Variants in TSPAN18 observed in about 807,000 individuals in gnomAD.
TSPAN18 encodes the protein tetraspanin-18.
TSPAN18 carries 14 observed loss-of-function variants against 27.3 expected under a neutral mutation model. That is an observed-to-expected ratio of 0.51 (90% CI 0.34 to 0.80). TSPAN18 has a LOEUF of 0.80. Among genes scored for constraint, TSPAN18 ranks in the 30% least tolerant of loss-of-function variants. TSPAN18 has a pLI of 0.01. For missense variants in TSPAN18, 268 were observed against 323.9 expected, an observed-to-expected ratio of 0.83 and a Z score of 1.32; for synonymous variants, 143 against 136.5, an observed-to-expected ratio of 1.05 and a Z score of -0.33.
chr11:44,773,670 C>T (rs1855740763), intron 2 of TSPAN18, among the ~76,000 whole-genome samples: 1 of 152,060 alleles, frequency 6.6e-6, no homozygotes, highest in Non-Finnish European at 1.5e-5. Context: ...AAGATGCTTC[C>T]AAGAGGGTTG....
At chr11:44,782,697 G>C (rs1389593630) in intron 2 of TSPAN18, among the ~76,000 whole-genome samples, 1 of 152,134 alleles carries the variant, frequency 6.6e-6, no homozygotes, top group Non-Finnish European at 1.5e-5. Flanking sequence ...TTGAGTTTTA[G>C]ACATTCTAAT....
At chr11:44,873,202 C>A (rs1170856448) in intron 3 of TSPAN18, among the ~76,000 whole-genome samples, 1 of 152,196 alleles carries the variant, frequency 6.6e-6, no homozygotes, top group Non-Finnish European at 1.5e-5. Context: ...CCCTGCATAG[C>A]CTAGAGACCC....
At chr11:44,766,935 G>GTGGTTGTA (rs1855580980) in intron 2 of TSPAN18, among the ~76,000 whole-genome samples, 2 of 152,160 alleles carry the variant, frequency 1.3e-5, no homozygotes, top group Non-Finnish European at 2.9e-5. Context: ...ACCCCACAGG[G>GTGGTTGTA]TGGTTGTAAG....
chr11:44,888,193 A>G (rs1468361102), intron 3 of TSPAN18, among the ~76,000 whole-genome samples: 2 of 152,100 alleles, frequency 1.3e-5, no homozygotes, highest in Non-Finnish European at 2.9e-5. Flanking sequence ...GTGAGTGCCC[A>G]TCAGCCGGCA....
chr11:44,845,488 A>G (rs1460635852), intron 2 of TSPAN18, among the ~76,000 whole-genome samples: 1 of 152,246 alleles, frequency 6.6e-6, no homozygotes, highest in East Asian at 1.9e-4. Context: ...CCCTGCCCTC[A>G]CGGAGCTTGT....
intron 5 of TSPAN18, 98 bp downstream of exon 5, chr11:44,909,997 G>C: frequency 7.1e-7 from 1 of 1,413,156 alleles, no homozygotes; most frequent in Non-Finnish European, 9.4e-7. Context: ...ATTCAGACCA[G>C]TGCTTCCCAA....
intron 1 of TSPAN18, among the ~76,000 whole-genome samples, chr11:44,763,376 A>G (rs16938074): frequency 0.027 from 4,118 of 152,138 alleles, 156 homozygotes; most frequent in East Asian, 0.08. Context: ...GGTGAATTTG[A>G]TCCTTCTCTG....
chr11:44,902,161 G>A (rs754278773), intron 3 of TSPAN18, among the ~76,000 whole-genome samples: 2 of 152,236 alleles, frequency 1.3e-5, no homozygotes, highest in Non-Finnish European at 2.9e-5. Flanking sequence ...TGAAGGCAGA[G>A]TTAGGTGTAG....
chr11:44,772,614 T>TA (rs1013970358), intron 2 of TSPAN18, among the ~76,000 whole-genome samples: 1 of 152,220 alleles, frequency 6.6e-6, no homozygotes, highest in East Asian at 1.9e-4. Context: ...TGATAGGTAA[T>TA]ACACTGTATT....
chr11:44,878,006 C>T (rs955624174), intron 3 of TSPAN18, among the ~76,000 whole-genome samples: 8 of 152,022 alleles, frequency 5.3e-5, no homozygotes, highest in African/African-American at 1.9e-4. Flanking sequence ...CACAGACACA[C>T]GCACACACAG....
chr11:44,755,111 G>A (rs937776513), intron 1 of TSPAN18, among the ~76,000 whole-genome samples: 1 of 152,114 alleles, frequency 6.6e-6, no homozygotes, highest in Admixed American at 6.6e-5. Flanking sequence ...TCATTTATGG[G>A]GATTGGGACA....
chr11:44,887,625 C>T (rs532734598), intron 3 of TSPAN18, among the ~76,000 whole-genome samples: 1 of 152,136 alleles, frequency 6.6e-6, no homozygotes, highest in Non-Finnish European at 1.5e-5. Flanking sequence ...CCCTGGGGCC[C>T]GCCTTTCCCC....
At chr11:44,867,389 C>CTTT (rs71038824) in intron 3 of TSPAN18, among the ~76,000 whole-genome samples, 7,554 of 60,388 alleles carry the variant, frequency 0.13, 2,077 homozygotes, top group Non-Finnish European at 0.17. Context: ...GTTTATGAAT[C>CTTT]TTTTTTTTTT....
chr11:44,907,718 T>A (rs1590667629), intron 4 of TSPAN18, among the ~76,000 whole-genome samples: 1 of 151,806 alleles, frequency 6.6e-6, no homozygotes, highest in East Asian at 1.9e-4. Context: ...CCAACAGCAA[T>A]AAGGAGGCAC....
At position 44,749,612 on chromosome 11, in the gene TSPAN18, G is replaced by A. The variant is rs138389048; in HGVS notation, c.-239-14814G>A. Among the ~76,000 whole-genome samples, 102 of 150,824 alleles carry A rather than the reference G, an allele frequency of 6.8e-4. 1 individual carries two copies. Among genetic ancestry groups the A allele is most frequent in the Non-Finnish European group, 1.3e-3 (88 of 67,884 alleles). The stretch of plus-strand genomic sequence containing the variant: ...GCAGTGGTATTCAACTTTACTTGTA[G>A]CCACAGAACGTGGAACTTTCTTTTT... On this transcript the variant is annotated intron_variant, in intron 1 of 9. Transcript: ENST00000520358.
chr11:44,927,906 G>A (rs1441966463), intron 9 of TSPAN18, among the ~76,000 whole-genome samples: 1 of 152,148 alleles, frequency 6.6e-6, no homozygotes, highest in African/African-American at 2.4e-5. Context: ...ATGCTACTGG[G>A]GCTCAGGAAG....
At chr11:44,767,692 A>T (rs932982484) in intron 2 of TSPAN18, among the ~76,000 whole-genome samples, 2 of 152,264 alleles carry the variant, frequency 1.3e-5, no homozygotes, top group African/African-American at 4.8e-5. Flanking sequence ...ATTCGAGATC[A>T]TGGAGATTTA....
chr11:44,752,073 T>G (rs781265461), intron 1 of TSPAN18, among the ~76,000 whole-genome samples: 2 of 152,218 alleles, frequency 1.3e-5, no homozygotes, highest in Non-Finnish European at 2.9e-5. Context: ...TGGACTGAAC[T>G]CTAGCACTAG....
At chr11:44,876,548 G>C (rs923909821) in intron 3 of TSPAN18, among the ~76,000 whole-genome samples, 1 of 152,220 alleles carries the variant, frequency 6.6e-6, no homozygotes, top group Non-Finnish European at 1.5e-5. Flanking sequence ...CTTGGAGTGT[G>C]AGAAGGAGTT....
Sources: allele counts gnomAD v4.1 joint callset (sites outside exome capture counted in the v4.1 genomes callset), GRCh38; gene constraint gnomAD v4.1.1; transcripts MANE v1.5; gene names NCBI Gene and HGNC (gene_info 2026-07-23, HGNC 2026-07-21).